The following CNTNAP5 variants were observed in gnomAD, a reference collection of about 807,000 sequenced individuals.
The protein encoded by CNTNAP5 is contactin associated protein family member 5.
CNTNAP5 carries 72 observed loss-of-function variants against 150.2 expected under a neutral mutation model. The observed-to-expected ratio is 0.48, with a 90% CI of 0.40 to 0.58. The LOEUF (loss-of-function observed/expected upper bound fraction) is 0.58. Ranked by LOEUF, CNTNAP5 falls within the 20% of genes least tolerant of loss-of-function variation. The pLI, the probability that CNTNAP5 is intolerant of heterozygous loss-of-function variation, is 0.00. For synonymous variants in CNTNAP5, 672 were observed against 619.8 expected (o/e 1.08, Z -1.25); for missense variants, 1,636 against 1,626.2 (o/e 1.01, Z -0.10).
chr2:124,355,440 G>A (rs533907983), intron 3 of CNTNAP5, among the ~76,000 whole-genome samples: 2 of 152,120 alleles, frequency 1.3e-5, no homozygotes, highest in Non-Finnish European at 2.9e-5. Flanking sequence ...GTGGAATGGA[G>A]CAGAGCTGGT....
At chr2:124,866,428 T>C (rs893584192) in intron 20 of CNTNAP5, among the ~76,000 whole-genome samples, 2 of 151,966 alleles carry the variant, frequency 1.3e-5, no homozygotes, top group Non-Finnish European at 2.9e-5. Flanking sequence ...AAAGAGGAAA[T>C]CATAATAGGC....
chr2:124,090,192 C>T (rs79862735), intron 1 of CNTNAP5, among the ~76,000 whole-genome samples: 2,162 of 152,218 alleles, frequency 0.014, 26 homozygotes, highest in Non-Finnish European at 0.023. Context: ...GTCATATGGC[C>T]TACTTTGAAA....
chr2:124,063,585 C>T (rs143949418), intron 1 of CNTNAP5, among the ~76,000 whole-genome samples: 2 of 152,222 alleles, frequency 1.3e-5, no homozygotes, highest in African/African-American at 4.8e-5. Flanking sequence ...CTCTGTTTAA[C>T]ATCCAGGACG....
At chr2:124,520,988 C>T (rs6722312) in intron 8 of CNTNAP5, among the ~76,000 whole-genome samples, 48,223 of 152,090 alleles carry the variant, frequency 0.32, 7,864 homozygotes, top group South Asian at 0.52. Context: ...AAACGAGGAC[C>T]AGGTGAAAGT....
chr2:124,715,847 G>A (rs1679934118), intron 13 of CNTNAP5, among the ~76,000 whole-genome samples: 1 of 152,118 alleles, frequency 6.6e-6, no homozygotes, highest in Admixed American at 6.6e-5. Flanking sequence ...ATAGAAGATG[G>A]ATGCTTGAAT....
chr2:124,615,443 A>G (rs12477053), intron 12 of CNTNAP5, among the ~76,000 whole-genome samples: 60,280 of 152,062 alleles, frequency 0.4, 13,017 homozygotes, highest in Non-Finnish European at 0.49. Flanking sequence ...TTGTTCATCC[A>G]TAAGAAGCAA....
chr2:124,457,633 A>G (rs1198712266), intron 6 of CNTNAP5, among the ~76,000 whole-genome samples: 2 of 152,126 alleles, frequency 1.3e-5, no homozygotes, highest in African/African-American at 4.8e-5. Flanking sequence ...GGTTTGTTGC[A>G]CAGATAAACC....
intron 10 of CNTNAP5, among the ~76,000 whole-genome samples, chr2:124,552,297 T>C (rs1255655476): frequency 1.3e-5 from 2 of 152,142 alleles, no homozygotes; most frequent in African/African-American, 4.8e-5. Flanking sequence ...CTCAGGAGCT[T>C]CACATGAAAA....
chr2:124,093,403 C>T (rs577896917), intron 1 of CNTNAP5, among the ~76,000 whole-genome samples: 2 of 152,336 alleles, frequency 1.3e-5, no homozygotes, highest in African/African-American at 4.8e-5. Context: ...TGATTGCTGC[C>T]TGTAGATTCT....
chr2:124,432,660 A>G (rs571942699), intron 4 of CNTNAP5, among the ~76,000 whole-genome samples: 120 of 152,276 alleles, frequency 7.9e-4, no homozygotes, highest in African/African-American at 2.8e-3. Flanking sequence ...TCAGAAGAGA[A>G]TATTAATATT....
chr2:124,561,266 C>T (rs1295949979), intron 10 of CNTNAP5, among the ~76,000 whole-genome samples: 1 of 152,160 alleles, frequency 6.6e-6, no homozygotes, highest in Non-Finnish European at 1.5e-5. Flanking sequence ...TGAAAGGAAA[C>T]AGCGTGTGGG....
At chr2:124,657,204 C>G (rs1031730449) in intron 13 of CNTNAP5, among the ~76,000 whole-genome samples, 2 of 152,156 alleles carry the variant, frequency 1.3e-5, no homozygotes, top group African/African-American at 4.8e-5. Context: ...CTAAATTGCA[C>G]TTCATTTATT....
intron 1 of CNTNAP5, among the ~76,000 whole-genome samples, chr2:124,119,867 A>T (rs1289516327): frequency 6.6e-6 from 1 of 152,232 alleles, no homozygotes; most frequent in Non-Finnish European, 1.5e-5. Flanking sequence ...GGCTCTTTAC[A>T]TCAGGGAATA....
chr2:124,329,281 G>A (rs1024459700), intron 3 of CNTNAP5, among the ~76,000 whole-genome samples: 5 of 152,152 alleles, frequency 3.3e-5, no homozygotes, highest in African/African-American at 4.8e-5. Flanking sequence ...ACAACTTTTA[G>A]TTCTTTCTTT....
In CNTNAP5 at chr2:124,431,851, C is replaced by T. The variant is rs947733509; in HGVS notation, c.530-2633C>T. On this transcript the variant is annotated intron_variant, in intron 4 of 23. Transcript: ENST00000682447. The stretch of plus-strand genomic sequence containing the variant: ...TGGAAAGTGAGGCCCTTAGTTTTGA[C>T]ATAAACTTAACCCCAGTCAGACACC... 2.6e-5 allele frequency among the ~76,000 whole-genome samples: 4 copies of T among 151,950 alleles called. No homozygotes were observed. The South Asian group carries it at 8.3e-4, about 31-fold the overall frequency.
Position 124,424,971 on chromosome 2 carries a change from T to C in CNTNAP5, c.529+7381T>C, listed in dbSNP as rs539590974. ...GATTTGACTGGCGATATTGCTATTA[T>C]TCCTGTGACCCATATGCTAATGGCA... On this transcript the variant is annotated intron_variant, in intron 4 of 23. Transcript: ENST00000682447. Among the ~76,000 whole-genome samples the C allele has an allele frequency of 7.2e-5, 11 of 152,350 alleles. No individual in the cohort carries two copies. The East Asian group carries it at 2.1e-3, about 29-fold the overall frequency.
intron 11 of CNTNAP5, among the ~76,000 whole-genome samples, chr2:124,597,470 C>T (rs1165433747): frequency 6.7e-6 from 1 of 149,320 alleles, no homozygotes; most frequent in Non-Finnish European, 1.5e-5. Flanking sequence ...GAATATTGGC[C>T]CCCACTCTCT....
intron 21 of CNTNAP5, 55 bp from the exon 22 acceptor site, chr2:124,902,827 T>A: frequency 2.3e-6 from 3 of 1,292,408 alleles, no homozygotes; most frequent in Non-Finnish European, 3.2e-6. Context: ...ACCCAGCATA[T>A]AATTTGGAAA....
At chr2:124,447,271 C>T (rs542332310) in intron 6 of CNTNAP5, among the ~76,000 whole-genome samples, 1 of 152,110 alleles carries the variant, frequency 6.6e-6, no homozygotes, top group South Asian at 2.1e-4. Context: ...AAAAAGACCT[C>T]AGTTATCTGT....
Sources: gnomAD v4.1 joint callset for allele counts (sites outside exome capture counted in the v4.1 genomes callset) on GRCh38, gnomAD v4.1.1 for gene constraint, MANE v1.5 for transcripts, NCBI Gene and HGNC (gene_info 2026-07-23, HGNC 2026-07-21) for gene names.